Variants in ZNF675 observed in about 807,000 individuals in gnomAD.
ZNF675 encodes zinc finger protein 675, also known as TRAF6 inhibitory zinc finger.
In ZNF675, 36 loss-of-function variants were observed where a neutral mutation model predicts 56.1. The observed-to-expected ratio is 0.64, with a 90% CI of 0.49 to 0.85. The LOEUF (loss-of-function observed/expected upper bound fraction) is 0.85. Ranked by LOEUF, ZNF675 falls within the 40% of genes least tolerant of loss-of-function variation. The pLI is 0.00. For missense variants in ZNF675, 663 were observed against 654.2 expected, an observed-to-expected ratio of 1.01 and a Z score of -0.15; for synonymous variants, 200 against 218.9, an observed-to-expected ratio of 0.91 and a Z score of 0.76.
chr19:23,671,904 G>T (rs890117636), intron 1 of ZNF675, among the ~76,000 whole-genome samples: 1 of 147,496 alleles, frequency 6.8e-6, no homozygotes, highest in Non-Finnish European at 1.5e-5. Flanking sequence ...CTCTTGCATG[G>T]GGGTAGGAAC....
chr19:23,659,786 G>A (rs1291079993), intron 3 of ZNF675, among the ~76,000 whole-genome samples: 1 of 152,084 alleles, frequency 6.6e-6, no homozygotes, highest in Non-Finnish European at 1.5e-5. Context: ...GAGAGATTCT[G>A]CTTTTCCAGA....
intron 1 of ZNF675, among the ~76,000 whole-genome samples, chr19:23,675,051 G>A (rs1968278851): frequency 6.6e-6 from 1 of 151,524 alleles, no homozygotes; most frequent in Admixed American, 6.6e-5. Flanking sequence ...CTCTGGATAT[G>A]TTGAACTCTT....
At chr19:23,657,349 A>G (rs553717321) in intron 3 of ZNF675, among the ~76,000 whole-genome samples, 18 of 152,342 alleles carry the variant, frequency 1.2e-4, no homozygotes, top group African/African-American at 4.3e-4. Flanking sequence ...CTTTACATGA[A>G]TTACCTTCAA....
At chr19:23,678,261 C>CTTTT (rs71165873) in intron 1 of ZNF675, among the ~76,000 whole-genome samples, 2 of 139,574 alleles carry the variant, frequency 1.4e-5, no homozygotes, top group African/African-American at 2.7e-5. Flanking sequence ...CAAAAATATT[C>CTTTT]TTTTTTTTTT....
At chr19:23,668,692 CG>C (rs1392669172) in intron 1 of ZNF675, among the ~76,000 whole-genome samples, 1 of 152,186 alleles carries the variant, frequency 6.6e-6, no homozygotes, top group Non-Finnish European at 1.5e-5. Flanking sequence ...AGCTAAGGCC[CG>C]GCGAGAAATC....
rs1293854889 is a variant in ZNF675 at position 23,654,565 on chromosome 19, T to G, written c.368A>C (p.Lys123Thr). ...TCCATTATAACCTCCCTTGTGCAAC[T>G]TACATTCATCCACACTTTTACAGCC... ...LKGCKSVDEC[K>T]LHKGGYNGLN... The change falls in exon 4 of 4, where the codon AAG becomes ACG. Residue 123 changes from lysine to threonine, a missense_variant. Coordinates refer to ENST00000359788, the MANE Select transcript of ZNF675 (RefSeq NM_138330.3). 1 of 1,612,198 alleles carries G rather than the reference T, an allele frequency of 6.2e-7. No individual in the cohort carries two copies. The highest frequency in any genetic ancestry group is 2.2e-5 in the East Asian group (1 of 44,822).
chr19:23,656,024 TG>T (rs1967978538), intron 3 of ZNF675: 2 of 104,500 alleles, frequency 1.9e-5, no homozygotes, highest in African/African-American at 7.0e-5. Context: ...CACTTGAGCC[TG>T]GGAGGTTATG....
At position 23,653,148 on chromosome 19, in the gene ZNF675, T is replaced by G; in HGVS notation, c.*78A>C. ...AAACCATTTAAAGTCTTTGACACAT[T>G]CTTTACATTTCTAGAATTTTTCACC... is the stretch of plus-strand genomic sequence containing the variant. On this transcript the variant is annotated 3_prime_UTR_variant, in exon 4 of 4. Transcript: ENST00000359788. The G allele has an allele frequency of 7.6e-7, 1 of 1,323,162 alleles. No individual in the cohort carries two copies. Among genetic ancestry groups the G allele is most frequent in the Non-Finnish European group, 1.0e-6 (1 of 967,644 alleles). 82.0% of individuals were successfully genotyped at this position (1,323,162 alleles called of 1,614,324 possible).
chr19:23,683,262 C>T (rs982035055), intron 1 of ZNF675, among the ~76,000 whole-genome samples: 13 of 151,634 alleles, frequency 8.6e-5, no homozygotes, highest in Admixed American at 4.6e-4. Flanking sequence ...CAAATTTCAT[C>T]TCATAACACT....
chr19:23,669,151 T>C (rs1250174857), intron 1 of ZNF675, among the ~76,000 whole-genome samples: 1 of 152,184 alleles, frequency 6.6e-6, no homozygotes, highest in Non-Finnish European at 1.5e-5. Flanking sequence ...TAGATGTTGG[T>C]AATTGAGTGG....
At chr19:23,672,203 A>T (rs1968235643) in intron 1 of ZNF675, among the ~76,000 whole-genome samples, 1 of 147,524 alleles carries the variant, frequency 6.8e-6, no homozygotes, top group African/African-American at 2.5e-5. Flanking sequence ...GGACAAGAAT[A>T]CTCTACTCCA....
Position 23,662,137 on chromosome 19 carries a change from T to A in ZNF675, c.203A>T (p.His68Leu). Residue 68 changes from histidine (H) to leucine (L), a missense_variant, in exon 3 of 4, where the codon CAT becomes CTT. Transcript: ENST00000359788. ...ACCTGGGGGTTCATTCACCATCTCATGTCTCTTCACAGTCAAAGGCTCTTT... is the reference window on the plus strand; with the variant it reads ...ACCTGGGGGTTCATTCACCATCTCAAGTCTCTTCACAGTCAAAGGCTCTTT... ...QEKEPLTVKRHEMVNEPPVMC... is the reference protein window; with the variant it reads ...QEKEPLTVKRLEMVNEPPVMC... The A allele has an allele frequency of 6.2e-7, 1 of 1,613,734 alleles. No homozygotes were observed. The highest frequency in any genetic ancestry group is 1.1e-5 in the South Asian group (1 of 91,054).
At chr19:23,671,923 G>A (rs1968231719) in intron 1 of ZNF675, among the ~76,000 whole-genome samples, 1 of 152,074 alleles carries the variant, frequency 6.6e-6, no homozygotes. Context: ...ACAAACACAG[G>A]ATGACTTATT....
At chr19:23,678,711 G>C (rs951382252) in intron 1 of ZNF675, among the ~76,000 whole-genome samples, 1 of 149,386 alleles carries the variant, frequency 6.7e-6, no homozygotes, top group African/African-American at 2.6e-5. Flanking sequence ...AAGCAGCATG[G>C]TACTGGAACA....
intron 3 of ZNF675, 123 bp downstream of exon 3, chr19:23,661,991 T>C (rs1210596163): frequency 4.1e-6 from 3 of 726,882 alleles, no homozygotes. Context: ...ATACTCAGGC[T>C]TTCCAGAAAT....
At chr19:23,674,909 T>C (rs534826284) in intron 1 of ZNF675, among the ~76,000 whole-genome samples, 3 of 150,896 alleles carry the variant, frequency 2.0e-5, no homozygotes, top group East Asian at 1.9e-4. Flanking sequence ...GAGGCAGAGG[T>C]TGTAGTGGGC....
At chr19:23,672,258 G>T (rs201757950) in intron 1 of ZNF675, among the ~76,000 whole-genome samples, 15 of 424 alleles carry the variant, frequency 0.035, 3 homozygotes, top group Non-Finnish European at 0.29. Context: ...AAAAGGACAA[G>T]AATACTCTAC....
intron 3 of ZNF675, among the ~76,000 whole-genome samples, chr19:23,657,790 GA>G (rs1968007374): frequency 6.6e-6 from 1 of 151,908 alleles, no homozygotes; most frequent in Non-Finnish European, 1.5e-5. Context: ...AATCAGCTAA[GA>G]AAGAATACAT....
intron 1 of ZNF675, among the ~76,000 whole-genome samples, chr19:23,667,805 G>A (rs922136909): frequency 4.0e-5 from 6 of 150,940 alleles, no homozygotes; most frequent in Non-Finnish European, 7.4e-5. Context: ...GTTCTCCAAG[G>A]CCCCACCAGA....
Sources: allele counts gnomAD v4.1 joint callset (sites outside exome capture counted in the v4.1 genomes callset), GRCh38; gene constraint gnomAD v4.1.1; transcripts MANE v1.5; gene names NCBI Gene and HGNC (gene_info 2026-07-23, HGNC 2026-07-21).